The following METTL25 variants were observed in gnomAD, a reference collection of about 807,000 sequenced individuals.
The protein encoded by METTL25 is methyltransferase like 25.
METTL25 carries 64 observed loss-of-function variants against 71.6 expected under a neutral mutation model. That is an observed-to-expected ratio of 0.89 (90% CI 0.73 to 1.10). METTL25 has a LOEUF of 1.10. Among genes scored for constraint, METTL25 ranks in the 50% least tolerant of loss-of-function variants. METTL25 has a pLI of 0.00. For synonymous variants in METTL25, 287 were observed against 250.3 expected, an observed-to-expected ratio of 1.15 and a Z score of -1.38; for missense variants, 807 against 707.0, an observed-to-expected ratio of 1.14 and a Z score of -1.60.
intron 3 of METTL25, among the ~76,000 whole-genome samples, chr12:82,397,239 A>G (rs1886160054): frequency 6.6e-6 from 1 of 152,032 alleles, no homozygotes; most frequent in South Asian, 2.1e-4. Context: ...GTATTTCTCT[A>G]GTGATATTAG....
chr12:82,427,429 C>A (rs1889118648), intron 5 of METTL25, among the ~76,000 whole-genome samples: 1 of 151,860 alleles, frequency 6.6e-6, no homozygotes. Context: ...TAATAATATA[C>A]CCTTTCCAGT....
intron 10 of METTL25, 126 bp downstream of exon 10, chr12:82,476,844 A>G (rs1451041581): frequency 1.7e-6 from 1 of 584,210 alleles, no homozygotes; most frequent in East Asian, 3.0e-5. Flanking sequence ...ACTGTTTTGG[A>G]TCATTTCCTA....
intron 11 of METTL25, among the ~76,000 whole-genome samples, chr12:82,478,212 C>T (rs1304777204): frequency 6.6e-6 from 1 of 151,740 alleles, no homozygotes; most frequent in Non-Finnish European, 1.5e-5. Context: ...TTACTAGATT[C>T]TCACATCCCT....
rs141858631 is a variant in METTL25, at chr12:82,367,325, C to T, written c.259+8501C>T. Among the ~76,000 whole-genome samples, 316 of 152,180 alleles carry T rather than the reference C, an allele frequency of 2.1e-3. 2 individuals are homozygous for T. Among genetic ancestry groups the T allele is most frequent in the Middle Eastern group, 6.8e-3 (2 of 294 alleles). The stretch of plus-strand genomic sequence containing the variant: ...CCTTGTAAGCTTATAGTTATGGTTA[C>T]CTGTTATCATCATTTATCATAATTT... On this transcript the variant is annotated intron_variant, in intron 1 of 11. Coordinates refer to ENST00000248306, the MANE Select transcript of METTL25 (RefSeq NM_032230.3).
intron 9 of METTL25, chr12:82,459,892 T>G (rs906846673): frequency 6.6e-6 from 1 of 152,236 alleles, no homozygotes; most frequent in South Asian, 2.1e-4. Flanking sequence ...ACAGTGATAC[T>G]AATCTTTGGA....
intron 1 of METTL25, among the ~76,000 whole-genome samples, chr12:82,380,062 C>T (rs1884276347): frequency 6.6e-6 from 1 of 152,166 alleles, no homozygotes; most frequent in Admixed American, 6.5e-5. Flanking sequence ...ATTGTTAGGA[C>T]ACTCAGTAAC....
chr12:82,473,292 C>G (rs114334878), intron 9 of METTL25, among the ~76,000 whole-genome samples: 4 of 152,046 alleles, frequency 2.6e-5, no homozygotes, highest in Non-Finnish European at 5.9e-5. Flanking sequence ...AGTTGCTTAG[C>G]CAGCCTGGGG....
chr12:82,422,683 G>A (rs1484997162), intron 5 of METTL25, among the ~76,000 whole-genome samples: 1 of 152,144 alleles, frequency 6.6e-6, no homozygotes, highest in Non-Finnish European at 1.5e-5. Flanking sequence ...AAGGTGATAA[G>A]CAACTTCAGC....
chr12:82,443,048 A>C (rs1326098735), intron 8 of METTL25, among the ~76,000 whole-genome samples: 1 of 151,868 alleles, frequency 6.6e-6, no homozygotes, highest in East Asian at 1.9e-4. Flanking sequence ...AAAGACTAAG[A>C]GCTATGTGGA....
chr12:82,371,409 G>A (rs4540892), intron 1 of METTL25, among the ~76,000 whole-genome samples: 140,646 of 152,152 alleles, frequency 0.92, 65,321 homozygotes, highest in East Asian at 1. Flanking sequence ...ACAAGGGGGC[G>A]GCTTGTTTCT....
intron 9 of METTL25, among the ~76,000 whole-genome samples, chr12:82,459,350 A>T (rs1415396821): frequency 1.3e-5 from 2 of 152,234 alleles, no homozygotes; most frequent in Non-Finnish European, 2.9e-5. Context: ...CACGGTAGCC[A>T]GCCATGGTGG....
rs375896447 is a variant in METTL25, at chr12:82,379,503, T to A, written c.260-7300T>A. ...AATGAAGTTTAAAGTTTATTGGATT[T>A]CTGGGAATTTAGTATCTGTTGTTTT... On this transcript the variant is annotated intron_variant, in intron 1 of 11. Transcript: ENST00000248306. 2.8e-4 allele frequency among the ~76,000 whole-genome samples: 29 copies of A among 102,664 alleles called. No individual in the cohort carries two copies. The South Asian group carries it at 0.013, about 46-fold the overall frequency. 67.4% of individuals were successfully genotyped at this position (102,664 alleles called of 152,430 possible). A position where few individuals can be genotyped will look rare whatever the true frequency, so the allele number is the denominator to read the frequency against.
At position 82,403,093 on chromosome 12, in the gene METTL25, C is replaced by T. The variant is rs972347967; in HGVS notation, c.1242C>T (p.Tyr414=). The stretch of plus-strand genomic sequence containing the variant: ...GAGTTTGCAGTGTGGGTTGTTGCTA[C>T]CACCTCTTATCTGAAGAATTTGAAA... The part of the protein sequence containing the change: ...IKGVCSVGCC[Y]HLLSEEFENQ... The change falls in exon 5 of 12, where the codon TAC becomes TAT. Residue 414 remains tyrosine (Y), a synonymous_variant. Transcript: ENST00000248306. The T allele has an allele frequency of 6.2e-7, 1 of 1,612,906 alleles. No homozygotes were observed. Among genetic ancestry groups the T allele is most frequent in the Admixed American group, 1.7e-5 (1 of 59,882 alleles).
Position 82,398,877 on chromosome 12 carries a change from C to G in METTL25, c.614C>G (p.Ser205Cys). 6.2e-7 allele frequency: 1 copy of G among 1,605,576 alleles called. No homozygotes were observed. Among genetic ancestry groups the G allele is most frequent in the Non-Finnish European group, 8.5e-7 (1 of 1,177,582 alleles). The change falls in exon 4 of 12, where the codon TCT becomes TGT. Residue 205 changes from serine (S) to cysteine (C), a missense_variant. Ser to Cys is a moderately radical substitution (Grantham distance 112). Transcript: ENST00000248306. ...GGCTTAAAAGTTTATGGAATTGATT[C>G]TTCAAATACCAATACTCATGGAGCT... ...KYGLKVYGID[S>C]SNTNTHGAEE...
intron 8 of METTL25, among the ~76,000 whole-genome samples, chr12:82,443,766 A>T (rs1328965265): frequency 6.6e-6 from 1 of 152,090 alleles, no homozygotes; most frequent in Non-Finnish European, 1.5e-5. Context: ...AACAGAGGGG[A>T]GGTGCCAAGG....
rs371509833 is a variant in METTL25, at chr12:82,438,769, G to T, written c.1456G>T (p.Asp486Tyr). The T allele has an allele frequency of 2.0e-6, 3 of 1,522,348 alleles. No homozygotes were observed. Among genetic ancestry groups the T allele is most frequent in the Non-Finnish European group, 1.8e-6 (2 of 1,116,998 alleles). 94.3% of individuals were successfully genotyped at this position (1,522,348 alleles called of 1,614,324 possible). ...TGCTGTTCTTCAGGATATTATTAAAGATTGTTATGGCATCACCAAATGGTA... is the reference window on the plus strand; with the variant it reads ...TGCTGTTCTTCAGGATATTATTAAATATTGTTATGGCATCACCAAATGGTA... ...YRAVLQDIIK[D>Y]CYGITKCDRH... is the part of the protein sequence containing the mutation. The change falls in exon 8 of 12, where the codon GAT becomes TAT. Residue 486 changes from aspartate to tyrosine, a missense_variant. Transcript: ENST00000248306.
chr12:82,400,468 A>T (rs1886513526), intron 4 of METTL25, among the ~76,000 whole-genome samples: 1 of 152,014 alleles, frequency 6.6e-6, no homozygotes, highest in Non-Finnish European at 1.5e-5. Flanking sequence ...TTTTTCCCAG[A>T]TATTTTTGGA....
At chr12:82,417,336 TTTCAACGA>T (rs1355463521) in intron 5 of METTL25, among the ~76,000 whole-genome samples, 1 of 152,172 alleles carries the variant, frequency 6.6e-6, no homozygotes, top group African/African-American at 2.4e-5. Context: ...AATAAAAAAC[TTTCAACGA>T]TGAATGAACT....
At chr12:82,391,724 C>CT (rs58065185) in intron 3 of METTL25, among the ~76,000 whole-genome samples, 47 of 125,496 alleles carry the variant, frequency 3.7e-4, no homozygotes, top group African/African-American at 1.2e-3. Flanking sequence ...TACTGATTTC[C>CT]TTTTTTTTTT....
Sources: allele counts gnomAD v4.1 joint callset (sites outside exome capture counted in the v4.1 genomes callset), GRCh38; gene constraint gnomAD v4.1.1; transcripts MANE v1.5; gene names NCBI Gene and HGNC (gene_info 2026-07-23, HGNC 2026-07-21).